The following MXRA7 variants were observed in gnomAD, a reference collection of about 807,000 sequenced individuals.
MXRA7 encodes matrix remodeling associated 7, also known as matrix-remodeling-associated protein 7.
MXRA7 carries 18 observed loss-of-function variants against 17.4 expected under a neutral mutation model. The observed-to-expected ratio is 1.03, with a 90% CI of 0.71 to 1.53. MXRA7 has a LOEUF of 1.53. Ranked by LOEUF, MXRA7 falls within the 40% of genes most tolerant of loss-of-function variation. The pLI, the probability that MXRA7 is intolerant of heterozygous loss-of-function variation, is 0.00. For synonymous variants in MXRA7, 70 were observed against 101.7 expected (o/e 0.69, Z 1.87); for missense variants, 141 against 209.3 (o/e 0.67, Z 2.01).
At chr17:76,688,551 G>A (rs1201186786) in intron 1 of MXRA7, 9 of 1,276,396 alleles carry the variant, frequency 7.1e-6, no homozygotes, top group Non-Finnish European at 8.9e-6. Flanking sequence ...TGGCTGGGGT[G>A]TCTGTCTGGG....
chr17:76,679,406 G>A (rs570021183), downstream of MXRA7, among the ~76,000 whole-genome samples: 3 of 152,272 alleles, frequency 2.0e-5, no homozygotes, highest in East Asian at 1.9e-4. Flanking sequence ...ATGTCATGTG[G>A]TTTTGACAGC....
intron 1 of MXRA7, among the ~76,000 whole-genome samples, chr17:76,694,484 C>A (rs2076511541): frequency 6.6e-6 from 1 of 152,118 alleles, no homozygotes; most frequent in Non-Finnish European, 1.5e-5. Context: ...CATCCCAGGG[C>A]CTCACACCTG....
intron 1 of MXRA7, chr17:76,709,810 A>C (rs62085155): frequency 0.12 from 19,053 of 152,714 alleles, 1,577 homozygotes; most frequent in African/African-American, 0.23. Flanking sequence ...CTCCTCTCAG[A>C]TATCCACAGG....
At position 76,710,785 on chromosome 17, in the gene MXRA7, C is replaced by T. The variant is rs1454299221; in HGVS notation, c.162G>A (p.Pro54=). ...PAPPAEATGA[P]APSRPCAPEP... is the part of the protein sequence containing the mutation. ...CGGGGGCGCAGGGGCGGGACGGCGCCGGGGCCCCGGTGGCCTCGGCCGGGG... is the reference window on the plus strand; with the variant it reads ...CGGGGGCGCAGGGGCGGGACGGCGCTGGGGCCCCGGTGGCCTCGGCCGGGG... Residue 54 remains proline, a synonymous_variant, in exon 1 of 4, where the codon CCG becomes CCA. Transcript: ENST00000449428. 1 of 982,094 alleles carries T rather than the reference C, an allele frequency of 1.0e-6. No homozygotes were observed. The highest frequency in any genetic ancestry group is 1.2e-6 in the Non-Finnish European group (1 of 813,216). The allele number at this position is 982,094 out of a possible 1,614,324, so 60.8% of individuals were successfully genotyped here. A position where few individuals can be genotyped will look rare whatever the true frequency, so the allele number is the denominator to read the frequency against.
In MXRA7 at chr17:76,704,522, T is replaced by C. The variant is rs2076633505; in HGVS notation, c.342+6083A>G. Among the ~76,000 whole-genome samples, 4 of 148,104 alleles carry C rather than the reference T, an allele frequency of 2.7e-5. No individual in the cohort carries two copies. In the South Asian group the frequency reaches 6.7e-4, roughly 25 times the overall value. ...GCCCGGCCAGCTTTTTTTTTTTTCA[T>C]GCCTGTAATCCCAGCACTTTGGGAG... On this transcript the variant is annotated intron_variant, in intron 1 of 3. Transcript: ENST00000449428.
chr17:76,710,542 G>A (rs1598367161), intron 1 of MXRA7, 63 bp downstream of exon 1: 3 of 1,205,792 alleles, frequency 2.5e-6, no homozygotes, highest in Non-Finnish European at 3.1e-6. Flanking sequence ...GCTCGGCGGG[G>A]AACGGCAGCG....
At chr17:76,697,141 G>A (rs2076540823) in intron 1 of MXRA7, among the ~76,000 whole-genome samples, 1 of 152,140 alleles carries the variant, frequency 6.6e-6, no homozygotes, top group African/African-American at 2.4e-5. Flanking sequence ...TTAAAGAGGT[G>A]ATTAAGTTAA....
intron 1 of MXRA7, among the ~76,000 whole-genome samples, chr17:76,700,445 T>A (rs999759784): frequency 6.6e-6 from 1 of 151,754 alleles, no homozygotes; most frequent in African/African-American, 2.4e-5. Context: ...CTCTGGGGCA[T>A]AACATAACAG....
At chr17:76,690,765 T>C (rs1309050398) in intron 1 of MXRA7, among the ~76,000 whole-genome samples, 1 of 152,090 alleles carries the variant, frequency 6.6e-6, no homozygotes, top group Admixed American at 6.6e-5. Flanking sequence ...TGGAGTGCAG[T>C]GGTGCAATCA....
chr17:76,707,100 T>A (rs1419404128), intron 1 of MXRA7, among the ~76,000 whole-genome samples: 2 of 152,192 alleles, frequency 1.3e-5, no homozygotes, highest in Non-Finnish European at 2.9e-5. Context: ...AACACAGCCA[T>A]TCATTTAAAA....
intron 1 of MXRA7, among the ~76,000 whole-genome samples, chr17:76,700,824 C>T (rs111334887): frequency 3.4e-4 from 52 of 152,132 alleles, no homozygotes; most frequent in African/African-American, 1.1e-3. Context: ...AGAGAGTGGG[C>T]GGGCGGCAGG....
At chr17:76,684,498 T>C (rs111315140) in intron 3 of MXRA7, among the ~76,000 whole-genome samples, 3,118 of 152,056 alleles carry the variant, frequency 0.021, 116 homozygotes, top group African/African-American at 0.071. Context: ...CAGGATGGTG[T>C]GGAGGGAAAA....
chr17:76,695,613 A>C (rs1165210589), intron 1 of MXRA7, among the ~76,000 whole-genome samples: 2 of 152,156 alleles, frequency 1.3e-5, no homozygotes, highest in Admixed American at 1.3e-4. Context: ...GGAGCAAAGA[A>C]GGCCTCAGAG....
intron 2 of MXRA7, among the ~76,000 whole-genome samples, chr17:76,686,636 G>A (rs927333799): frequency 2.0e-5 from 3 of 152,220 alleles, no homozygotes; most frequent in African/African-American, 7.2e-5. Context: ...AGTGCACCAG[G>A]CAGCGCATCC....
chr17:76,684,806 G>A (rs2143595459), intron 3 of MXRA7: 7 of 512,860 alleles, frequency 1.4e-5, no homozygotes, highest in East Asian at 7.1e-5. Context: ...GTGGGGGGGT[G>A]CAGTAAATGG....
intron 1 of MXRA7, among the ~76,000 whole-genome samples, chr17:76,701,539 G>A (rs547718552): frequency 1.1e-4 from 16 of 152,164 alleles, no homozygotes; most frequent in South Asian, 1.0e-3. Context: ...GGATGGGGGC[G>A]GCAGGTGTGT....
At chr17:76,699,030 T>C (rs2076565635) in intron 1 of MXRA7, among the ~76,000 whole-genome samples, 2 of 151,334 alleles carry the variant, frequency 1.3e-5, no homozygotes, top group South Asian at 4.2e-4. Flanking sequence ...CCTGACTTCC[T>C]TTCTATTCTG....
At chr17:76,694,975 T>C (rs147742749) in intron 1 of MXRA7, among the ~76,000 whole-genome samples, 4 of 152,122 alleles carry the variant, frequency 2.6e-5, no homozygotes, top group East Asian at 1.9e-4. Context: ...CTGGACAACA[T>C]AGTGAAACCC....
At chr17:76,705,806 G>C (rs1441227894) in intron 1 of MXRA7, among the ~76,000 whole-genome samples, 1 of 152,202 alleles carries the variant, frequency 6.6e-6, no homozygotes, top group South Asian at 2.1e-4. Context: ...CAAAAGTGTA[G>C]GAAATAATGC....
Sources: allele counts gnomAD v4.1 joint callset (sites outside exome capture counted in the v4.1 genomes callset), GRCh38; gene constraint gnomAD v4.1.1; transcripts MANE v1.5; gene names NCBI Gene and HGNC (gene_info 2026-07-23, HGNC 2026-07-21).